Variants in SLC24A4 observed in about 807,000 individuals in gnomAD.
SLC24A4 encodes the protein solute carrier family 24 member 4.
SLC24A4 carries 53 observed loss-of-function variants against 79.0 expected under a neutral mutation model. The observed-to-expected ratio is 0.67, with a 90% CI of 0.54 to 0.84. The LOEUF (loss-of-function observed/expected upper bound fraction) is 0.84, where lower values mean the gene tolerates loss of function less well. Among genes scored for constraint, SLC24A4 ranks in the 40% least tolerant of loss-of-function variants. The pLI is 0.00. For missense variants in SLC24A4, 731 were observed against 822.0 expected, an observed-to-expected ratio of 0.89 and a Z score of 1.35; for synonymous variants, 323 against 323.8, an observed-to-expected ratio of 1.00 and a Z score of 0.03.
At chr14:92,473,711 C>T (rs1246562957) in intron 12 of SLC24A4, among the ~76,000 whole-genome samples, 2 of 152,142 alleles carry the variant, frequency 1.3e-5, no homozygotes, top group South Asian at 2.1e-4. Flanking sequence ...CGTCTCTGTC[C>T]CTGATTCATC....
At chr14:92,446,313 A>C (rs1295125439) in intron 8 of SLC24A4, among the ~76,000 whole-genome samples, 1 of 151,924 alleles carries the variant, frequency 6.6e-6, no homozygotes, top group Non-Finnish European at 1.5e-5. Context: ...CACCTGTCTA[A>C]TTTTTTAATT....
chr14:92,348,714 A>G (rs1886685224), intron 2 of SLC24A4, among the ~76,000 whole-genome samples: 2 of 152,192 alleles, frequency 1.3e-5, no homozygotes, highest in Admixed American at 1.3e-4. Context: ...CTGAAACAGA[A>G]TCAGTATGCT....
chr14:92,488,819 C>A (rs1181854069), intron 14 of SLC24A4, among the ~76,000 whole-genome samples: 3 of 152,202 alleles, frequency 2.0e-5, no homozygotes, highest in Non-Finnish European at 4.4e-5. Flanking sequence ...CCAGAGTCAG[C>A]TGGGTGGACA....
chr14:92,417,326 T>C (rs1021667934), intron 2 of SLC24A4, among the ~76,000 whole-genome samples: 5 of 152,086 alleles, frequency 3.3e-5, no homozygotes, highest in Non-Finnish European at 7.4e-5. Context: ...GATTTAAAAA[T>C]TTAAAAAGTT....
Position 92,461,068 on chromosome 14 carries a change from G to A in SLC24A4, c.1255+4460G>A, listed in dbSNP as rs1395507428. ...TGCAGTGCTGGCACCGCCCTGAAAC[G>A]GTCGGCAATGACCCTGAGCCGCAGC... On this transcript the variant is annotated intron_variant, in intron 12 of 16. Coordinates refer to ENST00000532405, the MANE Select transcript of SLC24A4 (RefSeq NM_153646.4). Among the ~76,000 whole-genome samples the A allele has an allele frequency of 2.6e-5, 4 of 152,178 alleles. No individual in the cohort carries two copies. In the East Asian group the frequency reaches 5.8e-4, roughly 22 times the overall value.
At chr14:92,337,716 T>C (rs1885893617) in intron 2 of SLC24A4, among the ~76,000 whole-genome samples, 1 of 152,168 alleles carries the variant, frequency 6.6e-6, no homozygotes, top group Non-Finnish European at 1.5e-5. Context: ...TGTGTGTGCA[T>C]GGGAGTGCTT....
At chr14:92,367,541 A>C (rs1887920302) in intron 2 of SLC24A4, among the ~76,000 whole-genome samples, 1 of 152,228 alleles carries the variant, frequency 6.6e-6, no homozygotes, top group South Asian at 2.1e-4. Flanking sequence ...TCGTGAGCTG[A>C]CATGCTCTGC....
At chr14:92,474,360 A>G (rs1894595222) in intron 12 of SLC24A4, among the ~76,000 whole-genome samples, 1 of 152,174 alleles carries the variant, frequency 6.6e-6, no homozygotes, top group Non-Finnish European at 1.5e-5. Flanking sequence ...GCCATGCAAG[A>G]ATCCAGCAGG....
At chr14:92,393,798 G>T (rs1299675353) in intron 2 of SLC24A4, among the ~76,000 whole-genome samples, 1 of 152,006 alleles carries the variant, frequency 6.6e-6, no homozygotes, top group Non-Finnish European at 1.5e-5. Flanking sequence ...ATCACCTGAG[G>T]TCAGGGCTTT....
intron 2 of SLC24A4, among the ~76,000 whole-genome samples, chr14:92,364,168 G>A (rs1244880910): frequency 6.6e-6 from 1 of 152,230 alleles, no homozygotes; most frequent in African/African-American, 2.4e-5. Context: ...TTATTAGTGT[G>A]TTGTATAATT....
intron 2 of SLC24A4, among the ~76,000 whole-genome samples, chr14:92,337,356 A>G (rs1388438447): frequency 6.6e-6 from 1 of 152,166 alleles, no homozygotes; most frequent in Non-Finnish European, 1.5e-5. Flanking sequence ...TTGGCTCTAG[A>G]GGTGAGACCA....
chr14:92,483,916 T>C, intron 13 of SLC24A4: 8 of 1,274,426 alleles, frequency 6.3e-6, no homozygotes, highest in Non-Finnish European at 8.2e-6. Context: ...CGTTCCATGC[T>C]GGCCCAGGGG....
intron 2 of SLC24A4, among the ~76,000 whole-genome samples, chr14:92,415,306 C>T (rs1199467376): frequency 6.6e-6 from 1 of 152,176 alleles, no homozygotes; most frequent in African/African-American, 2.4e-5. Flanking sequence ...GGCTTCTCCA[C>T]GGTGGGTGGT....
chr14:92,499,446 T>G lies in SLC24A4; in HGVS notation c.*5818T>G, dbSNP rs958210389. The G allele has an allele frequency of 3.3e-5, 5 of 152,180 alleles. No individual in the cohort carries two copies. The highest frequency in any genetic ancestry group is 7.2e-5 in the African/African-American group (3 of 41,442). The allele number at this position is 152,180 out of a possible 1,614,324, so 9.4% of individuals were successfully genotyped here. ...TTTACAGGTCTGGGAATTGGCTGCT[T>G]CTTAGTTATAACCCCAGTGACAAAT... is the stretch of plus-strand genomic sequence containing the variant. On this transcript the variant is annotated 3_prime_UTR_variant, in exon 17 of 17. Coordinates refer to ENST00000532405, the MANE Select transcript of SLC24A4 (RefSeq NM_153646.4).
chr14:92,426,369 G>A (rs8019360), intron 2 of SLC24A4, among the ~76,000 whole-genome samples: 52,977 of 151,846 alleles, frequency 0.35, 9,431 homozygotes, highest in African/African-American at 0.36. Flanking sequence ...AGTACCAGGC[G>A]CTTTTGAAAA....
intron 2 of SLC24A4, among the ~76,000 whole-genome samples, chr14:92,383,028 G>C (rs1306548602): frequency 6.6e-6 from 1 of 152,180 alleles, no homozygotes; most frequent in Non-Finnish European, 1.5e-5. Flanking sequence ...CCCCTGCCTT[G>C]GGCCAGGCCC....
At chr14:92,392,107 C>T (rs140811792) in intron 2 of SLC24A4, among the ~76,000 whole-genome samples, 22 of 152,044 alleles carry the variant, frequency 1.4e-4, no homozygotes, top group African/African-American at 4.3e-4. Context: ...TCCTCCTTCC[C>T]GGGGCCCTAT....
chr14:92,479,791 T>C (rs1894960897), intron 12 of SLC24A4, among the ~76,000 whole-genome samples: 1 of 152,246 alleles, frequency 6.6e-6, no homozygotes, highest in African/African-American at 2.4e-5. Flanking sequence ...ATGTTAATTC[T>C]TCTTTAAACA....
intron 2 of SLC24A4, among the ~76,000 whole-genome samples, chr14:92,343,580 T>TTTGTTTTCTTTC (rs1886290679): frequency 1.2e-5 from 1 of 85,106 alleles, no homozygotes. Context: ...TTAATTACTG[T>TTTGTTTTCTTTC]TTTCTTTCTT....
Sources: allele counts gnomAD v4.1 joint callset (sites outside exome capture counted in the v4.1 genomes callset), GRCh38; gene constraint gnomAD v4.1.1; transcripts MANE v1.5; gene names NCBI Gene and HGNC (gene_info 2026-07-23, HGNC 2026-07-21).